The following NXPH1 variants were observed in gnomAD, a reference collection of about 807,000 sequenced individuals.
NXPH1 encodes the protein neurexophilin-1.
Under a neutral mutation model 23.7 loss-of-function variants are expected in NXPH1, and 5 were observed. The observed-to-expected ratio is 0.21, with a 90% confidence interval of 0.11 to 0.44. The LOEUF is 0.44. Among genes scored for constraint, NXPH1 ranks in the 20% least tolerant of loss-of-function variants. NXPH1 has a pLI of 0.99. For missense variants in NXPH1, 324 were observed against 321.6 expected, an observed-to-expected ratio of 1.01 and a Z score of -0.06; for synonymous variants, 144 against 122.2, an observed-to-expected ratio of 1.18 and a Z score of -1.18.
At chr7:8,448,441 T>C (rs776871763) in intron 2 of NXPH1, among the ~76,000 whole-genome samples, 3 of 152,236 alleles carry the variant, frequency 2.0e-5, no homozygotes, top group African/African-American at 4.8e-5. Flanking sequence ...AGCTAGTTGA[T>C]AGCTATATAG....
chr7:8,628,573 C>G (rs1030549191), intron 2 of NXPH1, among the ~76,000 whole-genome samples: 9 of 150,870 alleles, frequency 6.0e-5, no homozygotes, highest in African/African-American at 1.7e-4. Context: ...TTAAGCCAGC[C>G]CTTTTTGTGT....
chr7:8,683,074 A>G (rs534585516), intron 2 of NXPH1, among the ~76,000 whole-genome samples: 3 of 152,330 alleles, frequency 2.0e-5, no homozygotes, highest in Non-Finnish European at 4.4e-5. Flanking sequence ...CAAACTGTGC[A>G]GGAAACATGA....
intron 2 of NXPH1, among the ~76,000 whole-genome samples, chr7:8,628,843 C>A (rs935832772): frequency 6.6e-6 from 1 of 151,274 alleles, no homozygotes. Flanking sequence ...TGTTCTCGTC[C>A]GAGGTTATTT....
intron 2 of NXPH1, among the ~76,000 whole-genome samples, chr7:8,725,103 T>A (rs1780028804): frequency 6.6e-6 from 1 of 152,218 alleles, no homozygotes; most frequent in Non-Finnish European, 1.5e-5. Flanking sequence ...AAGAGCTTTT[T>A]AAAAGAATTC....
At chr7:8,468,545 C>T (rs553859179) in intron 2 of NXPH1, among the ~76,000 whole-genome samples, 26 of 152,070 alleles carry the variant, frequency 1.7e-4, no homozygotes, top group Admixed American at 1.5e-3. Context: ...GATAATATCC[C>T]ATGTCCTGCT....
At chr7:8,590,436 A>C (rs1446161943) in intron 2 of NXPH1, among the ~76,000 whole-genome samples, 1 of 152,052 alleles carries the variant, frequency 6.6e-6, no homozygotes, top group South Asian at 2.1e-4. Context: ...TCATTTCTCC[A>C]AGGACATGCT....
intron 2 of NXPH1, among the ~76,000 whole-genome samples, chr7:8,587,225 C>A (rs1818997955): frequency 6.6e-6 from 1 of 151,794 alleles, no homozygotes; most frequent in Non-Finnish European, 1.5e-5. Context: ...TTTTAAATTT[C>A]CTGGGTTCGT....
At chr7:8,582,593 C>T (rs1051693225) in intron 2 of NXPH1, among the ~76,000 whole-genome samples, 5 of 152,064 alleles carry the variant, frequency 3.3e-5, no homozygotes, top group African/African-American at 7.3e-5. Context: ...CCTGGTGACC[C>T]GAAGTGGGTT....
At chr7:8,485,241 C>A (rs1817139561) in intron 2 of NXPH1, among the ~76,000 whole-genome samples, 1 of 152,088 alleles carries the variant, frequency 6.6e-6, no homozygotes, top group Non-Finnish European at 1.5e-5. Context: ...TCTTGCCTGC[C>A]TCCATGTAAG....
rs76671640 is a variant in NXPH1 at position 8,515,820 on chromosome 7, C to T, written c.54+80053C>T. On this transcript the variant is annotated intron_variant, in intron 2 of 2. Transcript: ENST00000405863. ...TGGAACATGAATCTGATCACATCAG[C>T]CCTCTGAGCCAAAGCAAATTGAATT... 4.1e-3 allele frequency among the ~76,000 whole-genome samples: 626 copies of T among 152,238 alleles called. 7 individuals carry two copies. The highest frequency in any genetic ancestry group is 0.015 in the African/African-American group (609 of 41,554).
At chr7:8,489,047 A>T (rs1817206775) in intron 2 of NXPH1, among the ~76,000 whole-genome samples, 1 of 152,148 alleles carries the variant, frequency 6.6e-6, no homozygotes, top group Admixed American at 6.6e-5. Context: ...TTGCATTTGC[A>T]AATCATCACG....
At chr7:8,565,729 A>T (rs962600814) in intron 2 of NXPH1, among the ~76,000 whole-genome samples, 2 of 151,738 alleles carry the variant, frequency 1.3e-5, no homozygotes, top group Non-Finnish European at 3.0e-5. Context: ...CTCACAACAT[A>T]TTTTGTGGAA....
In NXPH1 at chr7:8,752,003, A is replaced by G. The variant is rs1045239319; in HGVS notation, c.*234A>G. ...AGATTTTGAATTCACACCTGAAGACATGCTCTCACATATAGAGGTACACAA... is the reference window on the plus strand; with the variant it reads ...AGATTTTGAATTCACACCTGAAGACGTGCTCTCACATATAGAGGTACACAA... On this transcript the variant is annotated 3_prime_UTR_variant, in exon 3 of 3. Transcript: ENST00000405863. 1.6e-5 allele frequency: 8 copies of G among 490,460 alleles called. No homozygotes were observed. Among genetic ancestry groups the G allele is most frequent in the Non-Finnish European group, 2.9e-5 (8 of 272,114 alleles). The allele number at this position is 490,460 out of a possible 1,614,324, so 30.4% of individuals were successfully genotyped here. A position where few individuals can be genotyped will look rare whatever the true frequency, so the allele number is the denominator to read the frequency against.
intron 2 of NXPH1, among the ~76,000 whole-genome samples, chr7:8,652,308 G>A (rs940727774): frequency 6.6e-6 from 1 of 151,948 alleles, no homozygotes; most frequent in African/African-American, 2.4e-5. Context: ...TTAAATTTAT[G>A]TGAATAAATT....
intron 2 of NXPH1, among the ~76,000 whole-genome samples, chr7:8,665,679 T>C (rs75521637): frequency 0.024 from 3,683 of 152,076 alleles, 163 homozygotes; most frequent in African/African-American, 0.083. Flanking sequence ...TTAATGTGTT[T>C]AATTTATTTC....
intron 2 of NXPH1, among the ~76,000 whole-genome samples, chr7:8,522,785 C>G (rs747777961): frequency 1.3e-5 from 2 of 152,200 alleles, no homozygotes; most frequent in Non-Finnish European, 2.9e-5. Flanking sequence ...CTAGGTCCAG[C>G]CCTAGGTGCA....
At chr7:8,722,157 C>T (rs1583246157) in intron 2 of NXPH1, among the ~76,000 whole-genome samples, 1 of 152,104 alleles carries the variant, frequency 6.6e-6, no homozygotes, top group African/African-American at 2.4e-5. Context: ...AAAAAAAAGA[C>T]TTCCATGGAA....
rs1454364754 is a variant in NXPH1 at position 8,442,399 on chromosome 7, C to A, written c.54+6632C>A. On this transcript the variant is annotated intron_variant, in intron 2 of 2. Transcript: ENST00000405863. The surrounding 1 kb of genome is among the most constrained non-coding windows in gnomAD (Gnocchi z 4.6). ...GCCTCTGGCCGCGCCTCGCCATCAC[C>A]CCCGCCGCCCTAATGGATTCTGAAG... Among the ~76,000 whole-genome samples the A allele has an allele frequency of 2.0e-5, 3 of 152,194 alleles. No homozygotes were observed. Among genetic ancestry groups the A allele is most frequent in the Non-Finnish European group, 4.4e-5 (3 of 68,034 alleles).
rs140751428 is a variant in NXPH1 at position 8,557,125 on chromosome 7, T to TG, written c.54+121359dup. Among the ~76,000 whole-genome samples, 137 of 151,826 alleles carry TG rather than the reference T, an allele frequency of 9.0e-4. 1 individual carries two copies. Among genetic ancestry groups the TG allele is most frequent in the African/African-American group, 3.2e-3 (131 of 41,512 alleles). On this transcript the variant is annotated intron_variant, in intron 2 of 2. Coordinates refer to ENST00000405863, the MANE Select transcript of NXPH1 (RefSeq NM_152745.3). ...GATATGAGAAATACCAGTGGTCACTTGTCCAGAGGTTTAGAACCTGTGTTT... is the reference window on the plus strand; with the variant it reads ...GATATGAGAAATACCAGTGGTCACTTGGTCCAGAGGTTTAGAACCTGTGTTT...
Sources: gnomAD v4.1 joint callset for allele counts (sites outside exome capture counted in the v4.1 genomes callset) on GRCh38, gnomAD v4.1.1 for gene constraint, Gnocchi (gnomAD v3.1) non-coding constraint, MANE v1.5 for transcripts, NCBI Gene and HGNC (gene_info 2026-07-23, HGNC 2026-07-21) for gene names.